STX7: variants seen among roughly 807,000 people sequenced by gnomAD.
STX7 encodes the protein syntaxin-7.
Under a neutral mutation model 39.6 loss-of-function variants are expected in STX7, and 34 were observed. That is an observed-to-expected ratio of 0.86 (90% CI 0.65 to 1.14). The LOEUF (loss-of-function observed/expected upper bound fraction) is 1.14. Among genes scored for constraint, STX7 ranks in the 50% most tolerant of loss-of-function variants. STX7 has a pLI of 0.00. For missense variants in STX7, 284 were observed against 310.4 expected, an observed-to-expected ratio of 0.92 and a Z score of 0.64; for synonymous variants, 119 against 99.1, an observed-to-expected ratio of 1.20 and a Z score of -1.19.
intron 2 of STX7, among the ~76,000 whole-genome samples, chr6:132,476,562 C>CTA: frequency 6.6e-6 from 1 of 152,126 alleles, no homozygotes; most frequent in East Asian, 1.9e-4. Context: ...AAAGCAAGCA[C>CTA]TATAAAGAAA....
rs1345517992 is a variant in STX7, at chr6:132,460,060, T to C, written c.*698A>G. On this transcript the variant is annotated 3_prime_UTR_variant, in exon 10 of 10. Transcript: ENST00000367941. The stretch of plus-strand genomic sequence containing the variant: ...AATTATGTTAAACATTTTTAGTAAC[T>C]ACACTTTCCCCCGTAAACATCAGAC... The C allele has an allele frequency of 6.6e-6, 1 of 152,194 alleles. No homozygotes were observed. Among genetic ancestry groups the C allele is most frequent in the East Asian group, 1.9e-4 (1 of 5,202 alleles). 9.4% of individuals were successfully genotyped at this position (152,194 alleles called of 1,614,324 possible). A position where few individuals can be genotyped will look rare whatever the true frequency, so the allele number is the denominator to read the frequency against.
At chr6:132,465,883 G>A (rs1341050373) in intron 8 of STX7, among the ~76,000 whole-genome samples, 3 of 152,164 alleles carry the variant, frequency 2.0e-5, no homozygotes, top group Non-Finnish European at 4.4e-5. Context: ...CCTCAGTCCA[G>A]CAAACTTCCT....
chr6:132,483,951 A>C (rs2050733), intron 2 of STX7, among the ~76,000 whole-genome samples: 31,470 of 152,106 alleles, frequency 0.21, 3,300 homozygotes, highest in South Asian at 0.24. Context: ...TAGGACAGTC[A>C]TCTTCTATTT....
At chr6:132,492,497 T>A (rs532661810) in intron 2 of STX7, among the ~76,000 whole-genome samples, 1 of 152,342 alleles carries the variant, frequency 6.6e-6, no homozygotes, top group South Asian at 2.1e-4. Context: ...AGCTTCAGCA[T>A]CCAGACAGTC....
At chr6:132,467,902 A>G (rs887204130) in intron 8 of STX7, among the ~76,000 whole-genome samples, 4 of 152,210 alleles carry the variant, frequency 2.6e-5, no homozygotes, top group Non-Finnish European at 4.4e-5. Context: ...AATCACTTCT[A>G]AAAAGAATTC....
chr6:132,492,915 T>A (rs1775330913), intron 2 of STX7, among the ~76,000 whole-genome samples: 1 of 152,202 alleles, frequency 6.6e-6, no homozygotes, highest in African/African-American at 2.4e-5. Context: ...TGGGCCACCC[T>A]GCCCCACTCT....
At position 132,471,479 on chromosome 6, in the gene STX7, GCT is replaced by G; in HGVS notation, c.369_370del (p.Arg123SerfsTer11). The G allele has an allele frequency of 6.2e-7, 1 of 1,613,744 alleles. No homozygotes were observed. The highest frequency in any genetic ancestry group is 8.5e-7 in the Non-Finnish European group (1 of 1,179,842). On this transcript the variant is annotated frameshift_variant, in exon 5 of 10. Coordinates refer to ENST00000367941, the MANE Select transcript of STX7 (RefSeq NM_003569.3). LOFTEE classifies it high-confidence loss of function. ...AATACTTACAGACACTCTGGAACTG[GCT>G]CTTACTCGAGCAACAAACTCTTTCT...
Position 132,464,059 on chromosome 6 carries a change from A to G in STX7, c.627T>C (p.Asn209=), listed in dbSNP as rs1774494494. ...GAACGTGCACCTCTGCATTTTCCAC[A>G]TTGGCTTCTATGCTATCTGTAAAAT... ...QGDVIDSIEA[N]VENAEVHVQQ... Residue 209 remains asparagine, a synonymous_variant, in exon 9 of 10, where the codon AAT becomes AAC. Transcript: ENST00000367941. 1.2e-6 allele frequency: 2 copies of G among 1,613,928 alleles called. No individual in the cohort carries two copies. The highest frequency in any genetic ancestry group is 2.2e-5 in the East Asian group (1 of 44,890).
intron 2 of STX7, among the ~76,000 whole-genome samples, chr6:132,500,906 C>T (rs1359222367): frequency 6.6e-6 from 1 of 152,178 alleles, no homozygotes; most frequent in African/African-American, 2.4e-5. Context: ...AAAGCCCTTC[C>T]TCCTTCTCAA....
chr6:132,464,169 T>C, intron 8 of STX7, 94 bp from the exon 9 acceptor site: 1 of 1,233,818 alleles, frequency 8.1e-7, no homozygotes, highest in South Asian at 1.2e-5. Flanking sequence ...AGATTAAATA[T>C]GGTCATTATT....
chr6:132,480,445 C>T (rs1197131291), intron 2 of STX7, among the ~76,000 whole-genome samples: 1 of 152,188 alleles, frequency 6.6e-6, no homozygotes, highest in African/African-American at 2.4e-5. Context: ...CACGATTACA[C>T]CTAATTATCC....
chr6:132,501,782 T>C (rs1481289437), intron 2 of STX7, among the ~76,000 whole-genome samples: 1 of 152,080 alleles, frequency 6.6e-6, no homozygotes, highest in Non-Finnish European at 1.5e-5. Context: ...TCCACATATG[T>C]AATTAGAATT....
rs1200427399 is a variant in STX7, at chr6:132,455,910, G to A, written c.*4848C>T. The A allele has an allele frequency of 1.3e-5, 2 of 152,140 alleles. No individual in the cohort carries two copies. Among genetic ancestry groups the A allele is most frequent in the Non-Finnish European group, 2.9e-5 (2 of 68,016 alleles). 9.4% of individuals were successfully genotyped at this position (152,140 alleles called of 1,614,324 possible). A position where few individuals can be genotyped will look rare whatever the true frequency, so the allele number is the denominator to read the frequency against. Reference sequence around the variant, plus strand: ...AAAGATTTGCCAAGGGATGGGTAGGGTTAAATTAAAAACATTTTAAGAAAC... The same window carrying A: ...AAAGATTTGCCAAGGGATGGGTAGGATTAAATTAAAAACATTTTAAGAAAC... On this transcript the variant is annotated 3_prime_UTR_variant, in exon 10 of 10. Coordinates refer to ENST00000367941, the MANE Select transcript of STX7 (RefSeq NM_003569.3).
intron 8 of STX7, among the ~76,000 whole-genome samples, chr6:132,465,697 T>C (rs1186833164): frequency 6.6e-6 from 1 of 152,170 alleles, no homozygotes; most frequent in African/African-American, 2.4e-5. Context: ...TTCCAGCTCT[T>C]TGAAGCAACA....
intron 3 of STX7, chr6:132,475,358 G>C: frequency 3.6e-6 from 1 of 274,142 alleles, no homozygotes; most frequent in Non-Finnish European, 6.8e-6. Context: ...TCCTGAACTT[G>C]TGATCTGCCC....
At chr6:132,472,030 G>C (rs569207984) in intron 4 of STX7, among the ~76,000 whole-genome samples, 26 of 152,280 alleles carry the variant, frequency 1.7e-4, no homozygotes, top group Middle Eastern at 3.4e-3. Context: ...TACTCAGGAA[G>C]CATTTTCTGA....
In STX7 at chr6:132,479,148, C is replaced by CTT. The variant is rs1774951784; in HGVS notation, c.86-3488_86-3487dup. 2.6e-5 allele frequency among the ~76,000 whole-genome samples: 4 copies of CTT among 152,192 alleles called. No homozygotes were observed. In the South Asian group the frequency reaches 8.3e-4, roughly 31 times the overall value. ...ATAACTGGCATACTTCTGCAAAGTG[C>CTT]TTTTCTTTGTAGCCTCAAGTACAAA... On this transcript the variant is annotated intron_variant, in intron 2 of 9. Coordinates refer to ENST00000367941, the MANE Select transcript of STX7 (RefSeq NM_003569.3).
intron 3 of STX7, among the ~76,000 whole-genome samples, chr6:132,474,688 C>A (rs577165679): frequency 2.0e-5 from 3 of 152,096 alleles, no homozygotes; most frequent in Non-Finnish European, 4.4e-5. Flanking sequence ...GGAAACAGTT[C>A]TTTTGGTCTA....
chr6:132,470,035 A>G lies in STX7; in HGVS notation c.453T>C (p.Pro151=). The G allele has an allele frequency of 6.3e-7, 1 of 1,583,026 alleles. No individual in the cohort carries two copies. The highest frequency in any genetic ancestry group is 8.5e-7 in the Non-Finnish European group (1 of 1,170,678). The change falls in exon 7 of 10, where the codon CCT becomes CCC. Residue 151 remains proline, a synonymous_variant. Transcript: ENST00000367941. ...TTTCTTCATCCTGCACCTGCACTTG[A>G]GGTTGAGTTTGGCTAACAGAAAAAA... is the stretch of plus-strand genomic sequence containing the variant. ...NLVSWESQTQ[P]QVQVQDEEIT...
Sources: gnomAD v4.1 joint callset for allele counts (sites outside exome capture counted in the v4.1 genomes callset) on GRCh38, gnomAD v4.1.1 for gene constraint, MANE v1.5 for transcripts, NCBI Gene and HGNC (gene_info 2026-07-23, HGNC 2026-07-21) for gene names.